The following APOOL variants were observed in gnomAD, a reference collection of about 807,000 sequenced individuals.
APOOL encodes MICOS complex subunit MIC27.
A neutral mutation model predicts 23.1 loss-of-function variants in APOOL; 12 were observed. That is an observed-to-expected ratio of 0.52 (90% CI 0.33 to 0.84). The LOEUF is 0.84. Ranked by LOEUF, APOOL falls within the 40% of genes least tolerant of loss-of-function variation. The probability of loss-of-function intolerance (pLI) is 0.02; values close to 1 mark genes in which losing one functional copy is unlikely to be tolerated. For synonymous variants in APOOL, 77 were observed against 69.9 expected (o/e 1.10, Z -0.51); for missense variants, 212 against 199.6 (o/e 1.06, Z -0.37).
At chrX:85,076,903 A>T (rs147748382) in intron 8 of APOOL, among the ~76,000 whole-genome samples, 1,171 of 106,150 alleles carry the variant, frequency 0.011, 24 homozygotes, top group African/African-American at 0.039. Flanking sequence ...CAGTCTTGCA[A>T]GATTAATGTC....
At chrX:85,055,373 A>C (rs940114779) in intron 4 of APOOL, among the ~76,000 whole-genome samples, 1 of 111,649 alleles carries the variant, frequency 9.0e-6, no homozygotes, top group Non-Finnish European at 1.9e-5. Context: ...AGTGGCAAGC[A>C]AGGTCTAGTA....
Position 85,092,110 on chromosome X carries a change from A to C in APOOL, c.*4432A>C, listed in dbSNP as rs1223838862. ...AATTGTGAAAAGCACCTTAATTTTG[A>C]TGAAATATGATAGGTAAAAAATAGC... is the stretch of plus-strand genomic sequence containing the variant. On this transcript the variant is annotated 3_prime_UTR_variant, in exon 9 of 9. Transcript: ENST00000373173. The C allele has an allele frequency of 4.2e-6, 1 of 236,904 alleles. No homozygotes were observed. Among genetic ancestry groups the C allele is most frequent in the African/African-American group, 2.8e-5 (1 of 35,655 alleles). The allele number at this position is 236,904 out of a possible 1,213,427, so 19.5% of individuals were successfully genotyped here.
intron 1 of APOOL, among the ~76,000 whole-genome samples, chrX:85,022,141 C>A (rs1387303755): frequency 8.9e-6 from 1 of 112,313 alleles, no homozygotes; most frequent in Non-Finnish European, 1.9e-5. Flanking sequence ...GGCTTCACTG[C>A]TGAATTCTAC....
intron 1 of APOOL, among the ~76,000 whole-genome samples, chrX:85,026,323 C>A (rs1175077233): frequency 2.7e-5 from 3 of 112,973 alleles, no homozygotes; most frequent in Non-Finnish European, 5.6e-5. Context: ...ACCCTTTATT[C>A]TCCTGGGCCC....
At chrX:85,049,426 T>G (rs1269311521) in intron 2 of APOOL, among the ~76,000 whole-genome samples, 4 of 111,647 alleles carry the variant, frequency 3.6e-5, no homozygotes, top group African/African-American at 1.3e-4. Context: ...ATAAAAACTT[T>G]GAATGCTCTT....
At chrX:85,005,394 A>ACCG (rs1921029659) in intron 1 of APOOL, among the ~76,000 whole-genome samples, 1 of 2,595 alleles carries the variant, frequency 3.9e-4, no homozygotes, top group Non-Finnish European at 8.0e-4. Flanking sequence ...CTCGTGATTC[A>ACCG]CCCCCCCCCC....
intron 4 of APOOL, among the ~76,000 whole-genome samples, chrX:85,054,601 GTTA>G (rs1281641085): frequency 9.0e-6 from 1 of 110,771 alleles, no homozygotes; most frequent in Non-Finnish European, 1.9e-5. Context: ...TTATTCAGCA[GTTA>G]TTATTGGCTA....
chrX:85,015,058 C>T (rs1374855189), intron 1 of APOOL, among the ~76,000 whole-genome samples: 1 of 110,301 alleles, frequency 9.1e-6, no homozygotes, highest in Admixed American at 9.6e-5. Context: ...TGGGTTAATT[C>T]GAAAGCCTTG....
chrX:85,056,599 C>T (rs571397323), intron 5 of APOOL, among the ~76,000 whole-genome samples: 7 of 110,257 alleles, frequency 6.3e-5, no homozygotes, highest in East Asian at 5.7e-4. Context: ...CAAAATTAGC[C>T]GGGCTTGGTG....
At chrX:85,079,904 G>A (rs1924020805) in intron 8 of APOOL, among the ~76,000 whole-genome samples, 1 of 111,576 alleles carries the variant, frequency 9.0e-6, no homozygotes, top group African/African-American at 3.3e-5. Flanking sequence ...TTCTCTGATG[G>A]TAGTTTGTAT....
At chrX:85,025,837 C>T (rs1201463850) in intron 1 of APOOL, among the ~76,000 whole-genome samples, 4 of 112,685 alleles carry the variant, frequency 3.5e-5, no homozygotes, top group South Asian at 3.6e-4. Context: ...ATGACTGTAG[C>T]GTTTCTAGGT....
chrX:85,044,399 A>C (rs1922504515), intron 1 of APOOL, among the ~76,000 whole-genome samples: 2 of 110,482 alleles, frequency 1.8e-5, no homozygotes, highest in African/African-American at 6.6e-5. Flanking sequence ...CTCCTGCCTC[A>C]GCCTCTCAAG....
rs759023343 is a variant in APOOL at position 85,051,824 on chromosome X, T to C, written c.240+316T>C. Among the ~76,000 whole-genome samples the C allele has an allele frequency of 2.7e-5, 3 of 111,847 alleles. No individual in the cohort carries two copies. The East Asian group carries it at 8.5e-4, about 32-fold the overall frequency. On this transcript the variant is annotated intron_variant, in intron 3 of 8. Coordinates refer to ENST00000373173, the MANE Select transcript of APOOL (RefSeq NM_198450.6). ...GGATGACTGGGTTCAGCTGGGATTATTGACTAGAACACCTACACGTGGCCT... is the reference window on the plus strand; with the variant it reads ...GGATGACTGGGTTCAGCTGGGATTACTGACTAGAACACCTACACGTGGCCT...
At chrX:85,019,099 G>A (rs1203661465) in intron 1 of APOOL, among the ~76,000 whole-genome samples, 3 of 111,485 alleles carry the variant, frequency 2.7e-5, no homozygotes, top group African/African-American at 6.5e-5. Context: ...TATTCCTCTT[G>A]GCACTGGTTG....
At chrX:85,056,600 G>T (rs776750121) in intron 5 of APOOL, among the ~76,000 whole-genome samples, 1 of 110,263 alleles carries the variant, frequency 9.1e-6, no homozygotes, top group Admixed American at 9.8e-5. Context: ...AAAATTAGCC[G>T]GGCTTGGTGG....
rs188118955 is a variant in APOOL, at chrX:85,068,334, G to A, written c.486+1116G>A. ...TTGCCCAGCATCATACTGACCTTCA[G>A]ATATTTTGGCCTCCATGTTCATTAC... On this transcript the variant is annotated intron_variant, in intron 6 of 8. Transcript: ENST00000373173. 6.3e-3 allele frequency among the ~76,000 whole-genome samples: 682 copies of A among 108,660 alleles called. 5 individuals are homozygous for A. The highest frequency in any genetic ancestry group is 0.022 in the African/African-American group (656 of 29,949). 94.4% of individuals were successfully genotyped at this position (108,660 alleles called of 115,157 possible).
rs370988237 is a variant in APOOL at position 85,006,904 on chromosome X, A to G, written c.15+2977A>G. Among the ~76,000 whole-genome samples the G allele has an allele frequency of 1.2e-4, 14 of 112,040 alleles. No homozygotes were observed. The East Asian group carries it at 3.9e-3, about 31-fold the overall frequency. ...GAGTCCTGAACCTGGACTCTTAACC[A>G]TACTTTGTAAGAAAGTGGTAAAATC... On this transcript the variant is annotated intron_variant, in intron 1 of 8. Coordinates refer to ENST00000373173, the MANE Select transcript of APOOL (RefSeq NM_198450.6).
intron 1 of APOOL, among the ~76,000 whole-genome samples, chrX:85,043,595 A>C (rs1457135743): frequency 4.5e-5 from 5 of 111,508 alleles, no homozygotes; most frequent in African/African-American, 1.6e-4. Flanking sequence ...TTTTTTCAGA[A>C]ATTTTCAATG....
In APOOL at chrX:85,079,485, G is replaced by A. The variant is rs777582867; in HGVS notation, c.718+5094G>A. ...AGCTTTTTGATGTGCTTGTTGATTC[G>A]GTTTGCCAGTATTTTATTGAGGATT... On this transcript the variant is annotated intron_variant, in intron 8 of 8. Transcript: ENST00000373173. Among the ~76,000 whole-genome samples the A allele has an allele frequency of 8.8e-4, 98 of 111,291 alleles. 1 individual carries two copies. Among genetic ancestry groups the A allele is most frequent in the African/African-American group, 2.5e-3 (78 of 30,646 alleles).
Sources: allele counts gnomAD v4.1 joint callset (sites outside exome capture counted in the v4.1 genomes callset), GRCh38; gene constraint gnomAD v4.1.1; transcripts MANE v1.5; gene names NCBI Gene and HGNC (gene_info 2026-07-23, HGNC 2026-07-21).